Variants in TTC7B observed in about 807,000 individuals in gnomAD.
TTC7B encodes the protein tetratricopeptide repeat protein 7B.
A neutral mutation model predicts 106.8 loss-of-function variants in TTC7B; 28 were observed. The ratio of observed to expected loss-of-function variants is 0.26; its 90% CI spans 0.19 to 0.36. The LOEUF (loss-of-function observed/expected upper bound fraction) is 0.36, where lower values mean the gene tolerates loss of function less well. TTC7B is among the 10% of genes least tolerant of loss of function. The pLI is 1.00. For synonymous variants in TTC7B, 405 were observed against 430.6 expected (o/e 0.94, Z 0.74); for missense variants, 862 against 1,076.4 (o/e 0.80, Z 2.79).
At chr14:90,681,715 G>A (rs1887055221) in intron 7 of TTC7B, among the ~76,000 whole-genome samples, 1 of 152,218 alleles carries the variant, frequency 6.6e-6, no homozygotes, top group Non-Finnish European at 1.5e-5. Flanking sequence ...CTGAGAATGA[G>A]GAGCAAGATT....
chr14:90,617,464 A>AATGATGCATGCATC (rs1893131965), intron 16 of TTC7B, among the ~76,000 whole-genome samples: 1 of 152,230 alleles, frequency 6.6e-6, no homozygotes, highest in South Asian at 2.1e-4. Flanking sequence ...TCATGATTTT[A>AATGATGCATGCATC]ACTTTTTCAC....
chr14:90,708,211 AAAGTTATCCAG>A (rs1181768155), intron 5 of TTC7B, among the ~76,000 whole-genome samples: 5 of 152,118 alleles, frequency 3.3e-5, no homozygotes, highest in African/African-American at 9.7e-5. Context: ...GAAGCTACAG[AAAGTTATCCAG>A]AAGTTCTAGC....
chr14:90,814,853 G>A (rs1566902219), intron 1 of TTC7B, among the ~76,000 whole-genome samples: 1 of 152,164 alleles, frequency 6.6e-6, no homozygotes, highest in African/African-American at 2.4e-5. Flanking sequence ...AGTGGAGCCC[G>A]TGTAGGGTCG....
At position 90,537,209 on chromosome 14, in the gene TTC7B, A is replaced by C. The variant is rs1276397513; in HGVS notation, c.*4159T>G. ...AATTTTTAATTTATTTTATTTGTAG[A>C]GATAGGGTCTTGCTCTCTCATGCAG... On this transcript the variant is annotated 3_prime_UTR_variant, in exon 20 of 20. Transcript: ENST00000328459. 2.6e-5 allele frequency: 4 copies of C among 152,224 alleles called. No individual in the cohort carries two copies. Among genetic ancestry groups the C allele is most frequent in the African/African-American group, 9.7e-5 (4 of 41,436 alleles). The allele number at this position is 152,224 out of a possible 1,614,324, so 9.4% of individuals were successfully genotyped here.
In TTC7B at chr14:90,766,836, T is replaced by C. The variant is rs1595359794; in HGVS notation, c.445+13902A>G. 7 of 1,595,590 alleles carry C rather than the reference T, an allele frequency of 4.4e-6. No homozygotes were observed. In the East Asian group the frequency reaches 9.0e-5, roughly 20 times the overall value. ...AATATAGCCAGGTCCTAGCCAATGGTCTGGACAACAAGCTCCATGAAGACC... is the reference window on the plus strand; with the variant it reads ...AATATAGCCAGGTCCTAGCCAATGGCCTGGACAACAAGCTCCATGAAGACC... On this transcript the variant is annotated intron_variant, in intron 3 of 19. Coordinates refer to ENST00000328459, the MANE Select transcript of TTC7B (RefSeq NM_001010854.2).
chr14:90,693,951 A>G (rs1249502076), intron 6 of TTC7B, among the ~76,000 whole-genome samples: 1 of 152,194 alleles, frequency 6.6e-6, no homozygotes, highest in African/African-American at 2.4e-5. Context: ...AGTAGAAACA[A>G]CCCAATGTCC....
intron 9 of TTC7B, among the ~76,000 whole-genome samples, chr14:90,669,287 T>C (rs888368528): frequency 2.0e-5 from 3 of 152,158 alleles, no homozygotes; most frequent in African/African-American, 7.2e-5. Flanking sequence ...TAAACCTTCA[T>C]GACCTTGGAT....
At chr14:90,553,482 C>T (rs1277308417) in intron 19 of TTC7B, among the ~76,000 whole-genome samples, 1 of 152,228 alleles carries the variant, frequency 6.6e-6, no homozygotes, top group Non-Finnish European at 1.5e-5. Context: ...GGGCAGCACC[C>T]CCTCCAGGGA....
chr14:90,744,728 C>A, intron 4 of TTC7B, 64 bp downstream of exon 4: 2 of 1,548,164 alleles, frequency 1.3e-6, no homozygotes, highest in Non-Finnish European at 1.8e-6. Context: ...AGATTAATCT[C>A]AGTTGTCCAC....
At chr14:90,777,583 G>T (rs1336720713) in intron 3 of TTC7B, among the ~76,000 whole-genome samples, 1 of 152,206 alleles carries the variant, frequency 6.6e-6, no homozygotes, top group African/African-American at 2.4e-5. Context: ...AGGTGACAAA[G>T]TGTGCAGGTC....
Position 90,578,138 on chromosome 14 carries a change from T to C in TTC7B, c.2278A>G (p.Ser760Gly). 1.9e-6 allele frequency: 3 copies of C among 1,612,766 alleles called. No homozygotes were observed. The highest frequency in any genetic ancestry group is 2.5e-6 in the Non-Finnish European group (3 of 1,179,510). Residue 760 changes from serine (S) to glycine (G), a missense_variant, in exon 19 of 20, where the codon AGC (serine) becomes GGC (glycine). Coordinates refer to ENST00000328459, the MANE Select transcript of TTC7B (RefSeq NM_001010854.2). This position sits in a 1 kb window ranked among gnomAD's most constrained non-coding sequence, Gnocchi z 4.7. ...RRWYEEALAI[S>G]PTHVKSMQRL... is the part of the protein sequence containing the mutation. Reference sequence around the variant, plus strand: ...TGCATGCTCTTCACGTGGGTGGGGCTGATGGCTAAGGCCTCTTCATACCAC... The same window carrying C: ...TGCATGCTCTTCACGTGGGTGGGGCCGATGGCTAAGGCCTCTTCATACCAC...
rs768906895 is a variant in TTC7B at position 90,610,802 on chromosome 14, T to C, written c.1906A>G (p.Ile636Val). The change falls in exon 17 of 20, where the codon ATT becomes GTT. Residue 636 changes from isoleucine to valine, a missense_variant. By Grantham distance (29) the Ile-to-Val change is conservative. Transcript: ENST00000328459. ...GTATTAAGCTGTCGTCTGTCAGCAA[T>C]GGTTCTATCTAAGAGGCTGCTCCCA... Reference protein sequence around the residue: ...GRGSSLLDRTIADRRQLNTIT... With the variant: ...GRGSSLLDRTVADRRQLNTIT... 5 of 1,613,934 alleles carry C rather than the reference T, an allele frequency of 3.1e-6. No individual in the cohort carries two copies. The highest frequency in any genetic ancestry group is 4.2e-6 in the Non-Finnish European group (5 of 1,179,940).
chr14:90,790,148 G>A (rs1222186637), intron 1 of TTC7B, among the ~76,000 whole-genome samples: 3 of 152,020 alleles, frequency 2.0e-5, no homozygotes, highest in African/African-American at 7.2e-5. Context: ...ATATCTGTCT[G>A]TGTCCCTACA....
chr14:90,762,712 G>A (rs1890541043), intron 3 of TTC7B, among the ~76,000 whole-genome samples: 1 of 152,164 alleles, frequency 6.6e-6, no homozygotes, highest in South Asian at 2.1e-4. Context: ...GAACAGAATA[G>A]AGACTACTCC....
chr14:90,640,058 C>A (rs77326891), intron 15 of TTC7B, among the ~76,000 whole-genome samples: 5 of 152,260 alleles, frequency 3.3e-5, no homozygotes, highest in Admixed American at 3.3e-4. Flanking sequence ...GCGCATGGAT[C>A]GCTTGAGCTC....
At chr14:90,718,807 G>A (rs1054099767) in intron 5 of TTC7B, among the ~76,000 whole-genome samples, 7 of 110,602 alleles carry the variant, frequency 6.3e-5, no homozygotes, top group African/African-American at 2.3e-4. Flanking sequence ...CAGACACTGG[G>A]GCATACAGGT....
intron 5 of TTC7B, among the ~76,000 whole-genome samples, chr14:90,703,095 G>A (rs1471815568): frequency 6.6e-6 from 1 of 152,220 alleles, no homozygotes; most frequent in African/African-American, 2.4e-5. Context: ...CTGGGGAAGT[G>A]TCTGCTCCAG....
At chr14:90,652,290 A>G (rs8019771) in intron 13 of TTC7B, among the ~76,000 whole-genome samples, 149,616 of 151,940 alleles carry the variant, frequency 0.98, 73,701 homozygotes, top group South Asian at 1. Context: ...ACGCTGTGAC[A>G]CTCGAGCATT....
At position 90,694,583 on chromosome 14, in the gene TTC7B, C is replaced by A. The variant is rs532778183; in HGVS notation, c.777+917G>T. On this transcript the variant is annotated intron_variant, in intron 6 of 19. Transcript: ENST00000328459. Reference sequence around the variant, plus strand: ...AGCCCAGTGACATATATGTATAATACATATATGTCACATATATTATAAATA... The same window carrying A: ...AGCCCAGTGACATATATGTATAATAAATATATGTCACATATATTATAAATA... Among the ~76,000 whole-genome samples the A allele has an allele frequency of 2.8e-3, 387 of 136,644 alleles. 2 individuals are homozygous for A. Among genetic ancestry groups the A allele is most frequent in the African/African-American group, 1.0e-2 (370 of 37,022 alleles). 89.6% of individuals were successfully genotyped at this position (136,644 alleles called of 152,430 possible).
Sources: allele counts gnomAD v4.1 joint callset (sites outside exome capture counted in the v4.1 genomes callset), GRCh38; gene constraint gnomAD v4.1.1; non-coding constraint Gnocchi (gnomAD v3.1); transcripts MANE v1.5; gene names NCBI Gene and HGNC (gene_info 2026-07-23, HGNC 2026-07-21).